The following COX5A variants were observed in gnomAD, a reference collection of about 807,000 sequenced individuals.
COX5A encodes the protein cytochrome c oxidase subunit 5A, mitochondrial.
Under a neutral mutation model 16.1 loss-of-function variants are expected in COX5A, and 6 were observed. The ratio of observed to expected loss-of-function variants is 0.37; its 90% CI spans 0.20 to 0.73. The LOEUF (loss-of-function observed/expected upper bound fraction) is 0.73, where lower values mean the gene tolerates loss of function less well. Ranked by LOEUF, COX5A falls within the 30% of genes least tolerant of loss-of-function variation. COX5A has a pLI of 0.50. For synonymous variants in COX5A, 73 were observed against 73.8 expected, an observed-to-expected ratio of 0.99 and a Z score of 0.06; for missense variants, 159 against 194.9, an observed-to-expected ratio of 0.82 and a Z score of 1.10.
At position 74,923,621 on chromosome 15, in the gene COX5A, T is replaced by C. The variant is rs1419225016; in HGVS notation, c.*9+27A>G. 6 of 1,342,346 alleles carry C rather than the reference T, an allele frequency of 4.5e-6. No individual in the cohort carries two copies. In the South Asian group the frequency reaches 7.0e-5, roughly 16 times the overall value. The allele number at this position is 1,342,346 out of a possible 1,614,324, so 83.2% of individuals were successfully genotyped here. ...CCCACACCTCTCTGGATTGTTTTCC[T>C]GCCTTCTTCAGTGGTTTGTCGCTTA... On this transcript the variant is annotated intron_variant, in intron 4 of 4. Coordinates refer to ENST00000322347, the MANE Select transcript of COX5A (RefSeq NM_004255.4).
At chr15:74,930,734 C>T (rs911631274) in intron 1 of COX5A, among the ~76,000 whole-genome samples, 15 of 144,538 alleles carry the variant, frequency 1.0e-4, no homozygotes, top group African/African-American at 3.8e-4. Context: ...AAAAAAATCT[C>T]GGGCCGGGCT....
intron 4 of COX5A, among the ~76,000 whole-genome samples, chr15:74,923,252 C>T (rs971156370): frequency 2.0e-5 from 3 of 151,780 alleles, no homozygotes; most frequent in Non-Finnish European, 2.9e-5. Flanking sequence ...GATGAAATCC[C>T]GTCTTTACTA....
At chr15:74,929,951 C>A (rs1048788082) in intron 1 of COX5A, among the ~76,000 whole-genome samples, 1 of 151,360 alleles carries the variant, frequency 6.6e-6, no homozygotes, top group African/African-American at 2.4e-5. Context: ...TGGTGGCGGG[C>A]GGCTGTAGTC....
intron 1 of COX5A, 95 bp from the exon 2 acceptor site, chr15:74,929,327 T>C (rs2141272635): frequency 1.3e-6 from 1 of 792,246 alleles, no homozygotes; most frequent in Non-Finnish European, 2.2e-6. Flanking sequence ...ATATATGTTG[T>C]GGCAGCAAAA....
rs1555407300 is a variant in COX5A at position 74,935,608 on chromosome 15, A to AAAT, written c.100+2306_100+2307insATT. ...ACAGTGAGACTATCACCAAAAAAAAAAAATAAATAAATAAATAAATAAAAA... is the reference window on the plus strand; with the variant it reads ...ACAGTGAGACTATCACCAAAAAAAAAAATAAATAAATAAATAAATAAATAAAAA... On this transcript the variant is annotated intron_variant, in intron 1 of 4. Coordinates refer to ENST00000322347, the MANE Select transcript of COX5A (RefSeq NM_004255.4). Among the ~76,000 whole-genome samples, 117 of 147,180 alleles carry AAAT rather than the reference A, an allele frequency of 7.9e-4. 1 individual carries two copies. Among genetic ancestry groups the AAAT allele is most frequent in the South Asian group, 1.3e-3 (6 of 4,698 alleles).
Position 74,920,259 on chromosome 15 carries a change from T to G in COX5A, c.*193A>C. The G allele has an allele frequency of 8.1e-6, 5 of 614,556 alleles. No homozygotes were observed. In the South Asian group the frequency reaches 1.0e-4, roughly 12 times the overall value. The allele number at this position is 614,556 out of a possible 1,614,324, so 38.1% of individuals were successfully genotyped here. A position where few individuals can be genotyped will look rare whatever the true frequency, so the allele number is the denominator to read the frequency against. ...TTTTCTGCTTATTAATGCAAACACA[T>G]GAAACAAATACCTAATTTCAGTTCA... On this transcript the variant is annotated 3_prime_UTR_variant, in exon 5 of 5. Coordinates refer to ENST00000322347, the MANE Select transcript of COX5A (RefSeq NM_004255.4).
chr15:74,927,562 CA>C (rs1409081466), intron 2 of COX5A, among the ~76,000 whole-genome samples: 1 of 151,934 alleles, frequency 6.6e-6, no homozygotes. Context: ...CACCTGAGGT[CA>C]GGGGTTCAAG....
chr15:74,924,699 A>G (rs971253663), intron 3 of COX5A, among the ~76,000 whole-genome samples: 1 of 152,240 alleles, frequency 6.6e-6, no homozygotes, highest in East Asian at 1.9e-4. Context: ...GCAATTAGAC[A>G]TGCCCAGCAG....
At chr15:74,926,315 C>G (rs564147299) in intron 3 of COX5A, among the ~76,000 whole-genome samples, 2 of 151,912 alleles carry the variant, frequency 1.3e-5, no homozygotes, top group East Asian at 1.9e-4. Flanking sequence ...GCTGGGATTA[C>G]AGGCGTGAGC....
At position 74,926,096 on chromosome 15, in the gene COX5A, GTGGCGCTGTCT is replaced by G. The variant is rs2065341983; in HGVS notation, c.339+659_339+669del. Among the ~76,000 whole-genome samples the G allele has an allele frequency of 4.2e-5, 6 of 142,952 alleles. No homozygotes were observed. The South Asian group carries it at 1.3e-3, about 32-fold the overall frequency. 93.8% of individuals were successfully genotyped at this position (142,952 alleles called of 152,430 possible). ...GCTCTGTCACCCAGGCTGGAGTGCA[GTGGCGCTGTCT>G]TGGCTCACTGCAAGCTTTGCCTCCC... On this transcript the variant is annotated intron_variant, in intron 3 of 4. Transcript: ENST00000322347.
chr15:74,926,108 T>C (rs1013787692), intron 3 of COX5A, among the ~76,000 whole-genome samples: 3 of 150,286 alleles, frequency 2.0e-5, no homozygotes, highest in African/African-American at 7.4e-5. Flanking sequence ...GGCGCTGTCT[T>C]GGCTCACTGC....
chr15:74,926,953 T>C (rs1171237099), intron 2 of COX5A, 66 bp from the exon 3 acceptor site: 7 of 1,536,280 alleles, frequency 4.6e-6, no homozygotes, highest in Non-Finnish European at 4.4e-6. Context: ...GAGTTATTTA[T>C]ATTTTTACTG....
chr15:74,920,310 C>G lies in COX5A; in HGVS notation c.*142G>C. On this transcript the variant is annotated 3_prime_UTR_variant, in exon 5 of 5. Coordinates refer to ENST00000322347, the MANE Select transcript of COX5A (RefSeq NM_004255.4). ...AACTCATTTCCCTTTTATTAAAGTC[C>G]AAGTTACCATTACATGGCTTGGTAC... 3.1e-6 allele frequency: 2 copies of G among 649,326 alleles called. No individual in the cohort carries two copies. The highest frequency in any genetic ancestry group is 5.4e-6 in the Non-Finnish European group (2 of 367,982). The allele number at this position is 649,326 out of a possible 1,614,324, so 40.2% of individuals were successfully genotyped here.
At chr15:74,920,776 A>C (rs375610396) in intron 4 of COX5A, among the ~76,000 whole-genome samples, 4 of 152,294 alleles carry the variant, frequency 2.6e-5, no homozygotes, top group South Asian at 4.1e-4. Context: ...ATAGAAGTTC[A>C]AGACCACCCT....
intron 4 of COX5A, among the ~76,000 whole-genome samples, chr15:74,923,147 C>T (rs1044697240): frequency 4.0e-5 from 6 of 151,064 alleles, no homozygotes; most frequent in African/African-American, 1.2e-4. Context: ...ATAATGATGC[C>T]GGGCGCGGTG....
At chr15:74,921,326 T>G (rs2065318842) in intron 4 of COX5A, among the ~76,000 whole-genome samples, 1 of 139,298 alleles carries the variant, frequency 7.2e-6, no homozygotes, top group Non-Finnish European at 1.5e-5. Flanking sequence ...AAGAATGGCG[T>G]GAACCTGGAA....
chr15:74,935,608 AAAAT>A (rs1555407299), intron 1 of COX5A, among the ~76,000 whole-genome samples: 90 of 147,096 alleles, frequency 6.1e-4, no homozygotes, highest in Middle Eastern at 3.4e-3. Context: ...CCAAAAAAAA[AAAAT>A]AAATAAATAA....
At chr15:74,923,874 T>G (rs767819723) in intron 3 of COX5A, 104 bp from the exon 4 acceptor site, 2 of 713,646 alleles carry the variant, frequency 2.8e-6, no homozygotes. Flanking sequence ...CAGAGGCAGG[T>G]AGGACAGAAT....
chr15:74,935,626 A>AATAC (rs1406847184), intron 1 of COX5A, among the ~76,000 whole-genome samples: 1 of 151,614 alleles, frequency 6.6e-6, no homozygotes, highest in African/African-American at 2.4e-5. Flanking sequence ...TAAATAAATA[A>AATAC]ATAAAAAATT....
Sources: allele counts gnomAD v4.1 joint callset (sites outside exome capture counted in the v4.1 genomes callset), GRCh38; gene constraint gnomAD v4.1.1; transcripts MANE v1.5; gene names NCBI Gene and HGNC (gene_info 2026-07-23, HGNC 2026-07-21).